Variants in EPHA1 observed in about 807,000 individuals in gnomAD.
EPHA1 encodes ephrin type-A receptor 1.
In EPHA1, 92 loss-of-function variants were observed where a neutral mutation model predicts 110.1. That is an observed-to-expected ratio of 0.84 (90% confidence interval 0.71 to 0.99). The LOEUF is 0.99. EPHA1 is among the 50% of genes least tolerant of loss of function. EPHA1 has a pLI of 0.00. For synonymous variants in EPHA1, 500 were observed against 516.1 expected, an observed-to-expected ratio of 0.97 and a Z score of 0.42; for missense variants, 1,204 against 1,285.4, an observed-to-expected ratio of 0.94 and a Z score of 0.97.
At position 143,403,104 on chromosome 7, in the gene EPHA1, C is replaced by T. The variant is rs549746481; in HGVS notation, c.151-1499G>A. Among the ~76,000 whole-genome samples the T allele has an allele frequency of 5.9e-5, 9 of 152,300 alleles. No homozygotes were observed. The South Asian group carries it at 1.0e-3, about 18-fold the overall frequency. On this transcript the variant is annotated intron_variant, in intron 2 of 17. Coordinates refer to ENST00000275815, the MANE Select transcript of EPHA1 (RefSeq NM_005232.5). ...TTTGAGGGCCGGGAGTGGTGGCTCA[C>T]GCCTGTAATCCTAGCACTTTGGGAG... is the stretch of plus-strand genomic sequence containing the variant.
At position 143,399,384 on chromosome 7, in the gene EPHA1, T is replaced by A; in HGVS notation, c.865A>T (p.Met289Leu). The change falls in exon 5 of 18, where the codon ATG becomes TTG. Residue 289 changes from methionine (M) to leucine (L), a missense_variant. Met to Leu is a conservative substitution (Grantham distance 15, BLOSUM62 2). Transcript: ENST00000275815. ...CACGTGAGACAATGGGGTGTGTCCATGTCCATCCGGTAGGAGCCGCTAGGG... is the reference window on the plus strand; with the variant it reads ...CACGTGAGACAATGGGGTGTGTCCAAGTCCATCCGGTAGGAGCCGCTAGGG... ...ACPSGSYRMD[M>L]DTPHCLTCPQ... 1 of 1,602,598 alleles carries A rather than the reference T, an allele frequency of 6.2e-7. No homozygotes were observed. The highest frequency in any genetic ancestry group is 2.2e-5 in the East Asian group (1 of 44,704).
Position 143,395,460 on chromosome 7 carries a change from G to A in EPHA1, c.1942C>T (p.Gln648Ter), listed in dbSNP as rs768890787. Residue 648 changes from glutamine (Q) to a stop codon, truncating the protein, a stop_gained, in exon 12 of 18, where the codon CAG becomes TAG. Transcript: ENST00000275815. LOFTEE classifies it high-confidence loss of function. The surrounding 1 kb of genome is among the most constrained non-coding windows in gnomAD (Gnocchi z 4.7). ...VYRGTLRLPS[Q>*]DCKTVAIKTL... ...TTAATGGCCACAGTCTTGCAGTCCT[G>A]GCTGGGGAGCCTCAGGGTCCCTCGA... is the stretch of plus-strand genomic sequence containing the variant. The A allele has an allele frequency of 2.5e-6, 4 of 1,614,074 alleles. No individual in the cohort carries two copies. Among genetic ancestry groups the A allele is most frequent in the Non-Finnish European group, 3.4e-6 (4 of 1,180,048 alleles).
chr7:143,393,579 A>C lies in EPHA1; in HGVS notation c.2696+92T>G, dbSNP rs1368268399. On this transcript the variant is annotated intron_variant, in intron 16 of 17. Coordinates refer to ENST00000275815, the MANE Select transcript of EPHA1 (RefSeq NM_005232.5). The surrounding 1 kb of genome is among the most constrained non-coding windows in gnomAD (Gnocchi z 5.6). ...CACTGGACTTGGTCCAGAGCTCCCC[A>C]GGCCCAGCGCTCAAAGAAGATTGGC... 2.5e-5 allele frequency: 36 copies of C among 1,437,934 alleles called. No homozygotes were observed. Among genetic ancestry groups the C allele is most frequent in the Middle Eastern group, 2.5e-4 (1 of 3,986 alleles). The allele number at this position is 1,437,934 out of a possible 1,614,324, so 89.1% of individuals were successfully genotyped here. A position where few individuals can be genotyped will look rare whatever the true frequency, so the allele number is the denominator to read the frequency against.
At chr7:143,407,154 A>G (rs1386722121) in intron 2 of EPHA1, among the ~76,000 whole-genome samples, 1 of 152,152 alleles carries the variant, frequency 6.6e-6, no homozygotes, top group East Asian at 1.9e-4. Flanking sequence ...CATATACAGA[A>G]TTTAGAGTAC....
intron 2 of EPHA1, among the ~76,000 whole-genome samples, chr7:143,406,438 T>C (rs931816290): frequency 8.5e-5 from 13 of 152,248 alleles, no homozygotes; most frequent in Non-Finnish European, 1.8e-4. Flanking sequence ...CTGGTGTTCA[T>C]GGTACCATTT....
rs1805637071 is a variant in EPHA1, at chr7:143,408,799, G to A, written c.7C>T (p.Arg3Trp). The A allele has an allele frequency of 2.5e-6, 3 of 1,187,784 alleles. No homozygotes were observed. The highest frequency in any genetic ancestry group is 4.5e-5 in the Admixed American group (1 of 22,126). The allele number at this position is 1,187,784 out of a possible 1,614,324, so 73.6% of individuals were successfully genotyped here. The change falls in exon 1 of 18, where the codon CGG becomes TGG. Residue 3 changes from arginine (R) to tryptophan (W), a missense_variant. By Grantham distance (101) the Arg-to-Trp change is moderately radical (BLOSUM62 -3). Transcript: ENST00000275815. Reference sequence around the variant, plus strand: ...AGCCCTAGCCCCAGGGGCCAGCGCCGCTCCATAGCTCCGGGCCGGGACCTG... The same window carrying A: ...AGCCCTAGCCCCAGGGGCCAGCGCCACTCCATAGCTCCGGGCCGGGACCTG... ME[R>W]RWPLGLGLVL...
intron 14 of EPHA1, 62 bp from the exon 15 acceptor site, chr7:143,394,405 T>G (rs912811396): frequency 5.3e-5 from 81 of 1,526,920 alleles, no homozygotes; most frequent in Non-Finnish European, 6.5e-5. Flanking sequence ...CGAGTCTTTC[T>G]GCTTCTTTTA....
chr7:143,407,488 C>A (rs1563122004), intron 2 of EPHA1, 123 bp downstream of exon 2: 1 of 945,632 alleles, frequency 1.1e-6, no homozygotes, highest in East Asian at 2.6e-5. Context: ...CTCCTCTCCC[C>A]CTCCCTGAGG....
chr7:143,403,255 C>A (rs1026379414), intron 2 of EPHA1, among the ~76,000 whole-genome samples: 3 of 152,090 alleles, frequency 2.0e-5, no homozygotes, highest in Non-Finnish European at 4.4e-5. Flanking sequence ...CCTGTAATCC[C>A]GGCTACTTGG....
Position 143,397,545 on chromosome 7 carries a change from G to GT in EPHA1, c.1712+15_1712+16insA. The GT allele has an allele frequency of 1.2e-6, 2 of 1,613,792 alleles. No individual in the cohort carries two copies. Among genetic ancestry groups the GT allele is most frequent in the Non-Finnish European group, 1.7e-6 (2 of 1,179,730 alleles). ...GACCCAGGGCTGGTGGTTGGGGAGG[G>GT]GGCAGGAGCTGGCACCTGGACCGGA... On this transcript the variant is annotated intron_variant, in intron 9 of 17. Coordinates refer to ENST00000275815, the MANE Select transcript of EPHA1 (RefSeq NM_005232.5).
At chr7:143,403,807 T>C (rs532022372) in intron 2 of EPHA1, among the ~76,000 whole-genome samples, 1 of 152,372 alleles carries the variant, frequency 6.6e-6, no homozygotes, top group East Asian at 1.9e-4. Context: ...AAGTTGTATA[T>C]TTCTCTTTTG....
chr7:143,396,481 C>T lies in EPHA1; in HGVS notation c.1801G>A (p.Asp601Asn), dbSNP rs1805254640. ...GCAGGGTCCTCGTATGCCTGGAGGT[C>T]CACATAAGGCTTCAGCCACAGCTTG... Reference protein sequence around the residue: ...EDKLWLKPYVDLQAYEDPAQG... With the variant: ...EDKLWLKPYVNLQAYEDPAQG... Residue 601 changes from aspartate (D) to asparagine (N), a missense_variant, in exon 11 of 18, where the codon GAC becomes AAC. Transcript: ENST00000275815. The T allele has an allele frequency of 6.2e-7, 1 of 1,613,990 alleles. No homozygotes were observed. The highest frequency in any genetic ancestry group is 1.3e-5 in the African/African-American group (1 of 75,040).
chr7:143,405,650 T>A (rs772200561), intron 2 of EPHA1, among the ~76,000 whole-genome samples: 3 of 152,146 alleles, frequency 2.0e-5, no homozygotes, highest in Non-Finnish European at 4.4e-5. Flanking sequence ...GGAAGGCCCA[T>A]GGGAGCCAGA....
rs767349665 is a variant in EPHA1, at chr7:143,396,448, C to T, written c.1834G>A (p.Ala612Thr). Residue 612 changes from alanine to threonine, a missense_variant, in exon 11 of 18, where the codon GCC becomes ACC. Physicochemically the swap from Ala to Thr is moderately conservative, Grantham distance 58. Coordinates refer to ENST00000275815, the MANE Select transcript of EPHA1 (RefSeq NM_005232.5). Reference protein sequence around the residue: ...LQAYEDPAQGALDFTRELDPA... With the variant: ...LQAYEDPAQGTLDFTRELDPA... Reference sequence around the variant, plus strand: ...TCAAGCTCCCGGGTAAAGTCCAGGGCTCCCTGTGCAGGGTCCTCGTATGCC... The same window carrying T: ...TCAAGCTCCCGGGTAAAGTCCAGGGTTCCCTGTGCAGGGTCCTCGTATGCC... 2 of 1,614,006 alleles carry T rather than the reference C, an allele frequency of 1.2e-6. No individual in the cohort carries two copies. Among genetic ancestry groups the T allele is most frequent in the East Asian group, 4.5e-5 (2 of 44,864 alleles).
chr7:143,393,598 G>A lies in EPHA1; in HGVS notation c.2696+73C>T, dbSNP rs528315785. ...CTCCCCAGGCCCAGCGCTCAAAGAAGATTGGCTGAATGCCCATTTCCACTC... is the reference window on the plus strand; with the variant it reads ...CTCCCCAGGCCCAGCGCTCAAAGAAAATTGGCTGAATGCCCATTTCCACTC... On this transcript the variant is annotated intron_variant, in intron 16 of 17. Transcript: ENST00000275815. This position sits in a 1 kb window ranked among gnomAD's most constrained non-coding sequence, Gnocchi z 5.6. The A allele has an allele frequency of 1.6e-5, 24 of 1,530,146 alleles. No individual in the cohort carries two copies. The East Asian group carries it at 5.6e-4, about 35-fold the overall frequency. 94.8% of individuals were successfully genotyped at this position (1,530,146 alleles called of 1,614,324 possible).
At position 143,391,698 on chromosome 7, in the gene EPHA1, A is replaced by G. The variant is rs1371801556; in HGVS notation, c.2774T>C (p.Ile925Thr). 4.3e-6 allele frequency: 7 copies of G among 1,613,956 alleles called. No individual in the cohort carries two copies. The highest frequency in any genetic ancestry group is 5.9e-6 in the Non-Finnish European group (7 of 1,180,022). ...YRTVSEWLESIRMKRYILHFH... is the reference protein window; with the variant it reads ...YRTVSEWLESTRMKRYILHFH... The stretch of plus-strand genomic sequence containing the variant: ...GTGCAGGATGTAGCGTTTCATGCGT[A>G]TGGACTCGAGCCACTCAGAGACGGT... The change falls in exon 17 of 18, where the codon ATA (isoleucine) becomes ACA (threonine). Residue 925 changes from isoleucine to threonine, a missense_variant. Transcript: ENST00000275815.
Position 143,408,197 on chromosome 7 carries a change from G to A in EPHA1, c.83-519C>T, listed in dbSNP as rs1453250212. On this transcript the variant is annotated intron_variant, in intron 1 of 17. Transcript: ENST00000275815. ...GGATAAGAGGCACAGCTACCTGCCT[G>A]GGAAGTGGGGGGGAGTAAGGCCGGA... Among the ~76,000 whole-genome samples, 7 of 152,272 alleles carry A rather than the reference G, an allele frequency of 4.6e-5. No individual in the cohort carries two copies. In the East Asian group the frequency reaches 1.4e-3, roughly 30 times the overall value.
At chr7:143,402,074 C>T (rs1265233375) in intron 2 of EPHA1, among the ~76,000 whole-genome samples, 1 of 150,628 alleles carries the variant, frequency 6.6e-6, no homozygotes, top group Non-Finnish European at 1.5e-5. Context: ...CCTGCCAACA[C>T]ACTGGGCTAT....
At position 143,398,046 on chromosome 7, in the gene EPHA1, G is replaced by T. The variant is rs759180125; in HGVS notation, c.1489C>A (p.Leu497Ile). The part of the protein sequence containing the change: ...NQDEERYQMV[L>I]EPRVLLTELQ... ...TCTGTCAGCAAGACCCTGGGTTCTA[G>T]AACCATCTGGTACCGTTCTTCATCC... is the stretch of plus-strand genomic sequence containing the variant. Residue 497 changes from leucine to isoleucine, a missense_variant, in exon 8 of 18, where the codon CTA (leucine) becomes ATA (isoleucine). Transcript: ENST00000275815. 1 of 1,614,160 alleles carries T rather than the reference G, an allele frequency of 6.2e-7. No individual in the cohort carries two copies.
Sources: gnomAD v4.1 joint callset for allele counts (sites outside exome capture counted in the v4.1 genomes callset) on GRCh38, gnomAD v4.1.1 for gene constraint, Gnocchi (gnomAD v3.1) non-coding constraint, MANE v1.5 for transcripts, NCBI Gene and HGNC (gene_info 2026-07-23, HGNC 2026-07-21) for gene names.